The following NAV2 variants were observed in gnomAD, a reference collection of about 807,000 sequenced individuals.
The protein encoded by NAV2 is neuron navigator 2.
NAV2 carries 54 observed loss-of-function variants against 223.2 expected under a neutral mutation model. The observed-to-expected ratio is 0.24, with a 90% CI of 0.19 to 0.30. The LOEUF (loss-of-function observed/expected upper bound fraction) is 0.30. Ranked by LOEUF, NAV2 falls within the 10% of genes least tolerant of loss-of-function variation. The pLI is 1.00. For synonymous variants in NAV2, 1,279 were observed against 1,239.3 expected, an observed-to-expected ratio of 1.03 and a Z score of -0.67; for missense variants, 2,806 against 3,147.5, an observed-to-expected ratio of 0.89 and a Z score of 2.60.
At chr11:19,718,483 A>G (rs10833159) in intron 1 of NAV2, among the ~76,000 whole-genome samples, 89,695 of 151,830 alleles carry the variant, frequency 0.59, 28,550 homozygotes, top group African/African-American at 0.85. Context: ...AAAAGAAAGC[A>G]TAGAGGAGGC....
chr11:19,664,160 A>G (rs1026752347), intron 1 of NAV2, among the ~76,000 whole-genome samples: 2 of 152,232 alleles, frequency 1.3e-5, no homozygotes, highest in African/African-American at 4.8e-5. Context: ...TCAATTATTA[A>G]AGAACACCAG....
chr11:19,988,422 C>T (rs1409673052), intron 11 of NAV2, among the ~76,000 whole-genome samples: 1 of 103,366 alleles, frequency 9.7e-6, no homozygotes, highest in Non-Finnish European at 2.2e-5. Context: ...CATATTACTT[C>T]AAACCTTCTA....
chr11:19,730,353 C>T (rs1399183081), intron 1 of NAV2, among the ~76,000 whole-genome samples: 3 of 152,140 alleles, frequency 2.0e-5, no homozygotes, highest in Non-Finnish European at 2.9e-5. Context: ...CCCACACAGG[C>T]GAAGGTTTTG....
intron 16 of NAV2, among the ~76,000 whole-genome samples, chr11:20,050,170 C>T (rs1554928602): frequency 6.6e-6 from 1 of 152,176 alleles, no homozygotes; most frequent in Non-Finnish European, 1.5e-5. Flanking sequence ...GCAGCGGAAG[C>T]TCTCGCTTGC....
At chr11:19,601,899 C>A (rs1425721254) in intron 1 of NAV2, among the ~76,000 whole-genome samples, 2 of 152,200 alleles carry the variant, frequency 1.3e-5, no homozygotes, top group East Asian at 3.9e-4. Flanking sequence ...ATCATCAGGG[C>A]ATATGATGTC....
chr11:19,459,369 A>T (rs771150265), intron 1 of NAV2, among the ~76,000 whole-genome samples: 53 of 152,236 alleles, frequency 3.5e-4, no homozygotes, highest in Middle Eastern at 3.2e-3. Context: ...GTCTCCCAGA[A>T]CAGAGAAAGT....
At chr11:20,027,392 G>T in intron 11 of NAV2, 1 of 981,538 alleles carries the variant, frequency 1.0e-6, no homozygotes, top group Non-Finnish European at 1.2e-6. Flanking sequence ...GAATGCAGCT[G>T]TCTGGCGGGG....
intron 6 of NAV2, among the ~76,000 whole-genome samples, chr11:19,928,109 T>G (rs1224614339): frequency 1.3e-5 from 2 of 152,254 alleles, no homozygotes; most frequent in Non-Finnish European, 2.9e-5. Context: ...AGAACACATT[T>G]AATATGAGTA....
At chr11:19,535,742 C>G (rs1026944464) in intron 1 of NAV2, among the ~76,000 whole-genome samples, 1 of 152,200 alleles carries the variant, frequency 6.6e-6, no homozygotes, top group African/African-American at 2.4e-5. Context: ...CCAATCAAGC[C>G]TGATTCAGGG....
intron 1 of NAV2, among the ~76,000 whole-genome samples, chr11:19,662,765 C>A (rs1590054585): frequency 6.6e-6 from 1 of 152,224 alleles, no homozygotes; most frequent in East Asian, 1.9e-4. Context: ...CTCACCCATG[C>A]CTGAGACACT....
At chr11:19,966,792 T>C (rs1486743483) in intron 10 of NAV2, among the ~76,000 whole-genome samples, 2 of 152,212 alleles carry the variant, frequency 1.3e-5, no homozygotes, top group African/African-American at 2.4e-5. Flanking sequence ...GCTTCTCTTA[T>C]GTTCTTTGGG....
intron 1 of NAV2, among the ~76,000 whole-genome samples, chr11:19,715,287 G>C (rs938113095): frequency 6.6e-6 from 1 of 152,168 alleles, no homozygotes; most frequent in Admixed American, 6.5e-5. Flanking sequence ...TGGTGTGTGG[G>C]AGGAAGGCAA....
At chr11:20,103,112 G>T in intron 32 of NAV2, 143 bp from the exon 33 acceptor site, 1 of 725,008 alleles carries the variant, frequency 1.4e-6, no homozygotes, top group Non-Finnish European at 2.2e-6. Flanking sequence ...TAATAGGCAG[G>T]CACCCAGAAT....
intron 1 of NAV2, among the ~76,000 whole-genome samples, chr11:19,609,251 T>C (rs1343778618): frequency 6.6e-6 from 1 of 152,200 alleles, no homozygotes. Context: ...TGCAGGCATA[T>C]TTTAGCCATT....
chr11:19,586,740 G>A (rs1450513038), intron 1 of NAV2, among the ~76,000 whole-genome samples: 2 of 152,244 alleles, frequency 1.3e-5, no homozygotes, highest in East Asian at 3.8e-4. Context: ...TCCTCTGGAA[G>A]TTTTGTCTCA....
chr11:19,740,840 A>T (rs1392327839), intron 1 of NAV2, among the ~76,000 whole-genome samples: 2 of 152,242 alleles, frequency 1.3e-5, no homozygotes, highest in Non-Finnish European at 2.9e-5. Context: ...ACATTTGCAG[A>T]TGAGGAAGCT....
chr11:19,850,031 A>G (rs1383037320), intron 3 of NAV2, among the ~76,000 whole-genome samples: 1 of 152,110 alleles, frequency 6.6e-6, no homozygotes, highest in African/African-American at 2.4e-5. Context: ...CCACTTGGCC[A>G]CTCAAACTCT....
intron 1 of NAV2, among the ~76,000 whole-genome samples, chr11:19,779,592 C>T (rs532115446): frequency 2.6e-5 from 4 of 152,328 alleles, no homozygotes; most frequent in Non-Finnish European, 4.4e-5. Flanking sequence ...TTGCCACTTA[C>T]TAATCCCTGA....
intron 26 of NAV2, among the ~76,000 whole-genome samples, chr11:20,090,031 G>A (rs534103592): frequency 6.6e-6 from 1 of 152,308 alleles, no homozygotes; most frequent in African/African-American, 2.4e-5. Flanking sequence ...TTCTTGCCCT[G>A]AGTGTGTTAA....
Sources: gnomAD v4.1 joint callset for allele counts (sites outside exome capture counted in the v4.1 genomes callset) on GRCh38, gnomAD v4.1.1 for gene constraint, MANE v1.5 for transcripts, NCBI Gene and HGNC (gene_info 2026-07-23, HGNC 2026-07-21) for gene names.